GNPDA2: variants seen among roughly 807,000 people sequenced by gnomAD.
The protein encoded by GNPDA2 is glcN6P deaminase 2.
Under a neutral mutation model 27.0 loss-of-function variants are expected in GNPDA2, and 24 were observed. The observed-to-expected ratio is 0.89, with a 90% CI of 0.64 to 1.25. GNPDA2 has a LOEUF of 1.25. Ranked by LOEUF, GNPDA2 falls within the 50% of genes most tolerant of loss-of-function variation. The probability of loss-of-function intolerance (pLI) is 0.00; values close to 1 mark genes in which losing one functional copy is unlikely to be tolerated. For synonymous variants in GNPDA2, 94 were observed against 108.4 expected (o/e 0.87, Z 0.83); for missense variants, 286 against 335.1 (o/e 0.85, Z 1.14).
Position 44,702,993 on chromosome 4 carries a change from G to T in GNPDA2, c.*88C>A. 6.4e-7 allele frequency: 1 copy of T among 1,569,838 alleles called. No homozygotes were observed. The highest frequency in any genetic ancestry group is 1.4e-5 in the African/African-American group (1 of 72,284). ...AATGACAATCTTCAAAATTCCCCAT[G>T]TTTTGTCATATTGCATAGCTGAAAA... On this transcript the variant is annotated 3_prime_UTR_variant, in exon 7 of 7. Transcript: ENST00000295448.
chr4:44,725,349 A>G (rs951193416), intron 1 of GNPDA2, among the ~76,000 whole-genome samples: 2 of 152,244 alleles, frequency 1.3e-5, no homozygotes, highest in Admixed American at 6.5e-5. Context: ...AAGAGACATT[A>G]GCCAAAGATG....
At chr4:44,705,423 TACAG>T (rs1436720046) in intron 6 of GNPDA2, 25 of 984,970 alleles carry the variant, frequency 2.5e-5, no homozygotes, top group Admixed American at 6.2e-5. Flanking sequence ...TCTTCAGAAA[TACAG>T]ACAGCTCCAA....
In GNPDA2 at chr4:44,707,933, A is replaced by T. The variant is rs1716713480; in HGVS notation, c.595-7T>A. 6.4e-7 allele frequency: 1 copy of T among 1,553,188 alleles called. No homozygotes were observed. The highest frequency in any genetic ancestry group is 8.7e-7 in the Non-Finnish European group (1 of 1,144,020). On this transcript the variant is annotated splice_polypyrimidine_tract_variant and splice_region_variant and intron_variant, in intron 5 of 6. Transcript: ENST00000295448. ...CTGTTATAAGGATCATTACCTGAAAAATTATGAACATCAATTGTTAAAACT... is the reference window on the plus strand; with the variant it reads ...CTGTTATAAGGATCATTACCTGAAATATTATGAACATCAATTGTTAAAACT...
Position 44,707,815 on chromosome 4 carries a change from T to C in GNPDA2, c.706A>G (p.Ile236Val). The C allele has an allele frequency of 6.2e-7, 1 of 1,613,452 alleles. No homozygotes were observed. The highest frequency in any genetic ancestry group is 8.5e-7 in the Non-Finnish European group (1 of 1,179,636). ...GTAGCATCTTCATCGCATACAAAAATAGTCCGGGGATGCTGCTGGAAAGCG... is the reference window on the plus strand; with the variant it reads ...GTAGCATCTTCATCGCATACAAAAACAGTCCGGGGATGCTGCTGGAAAGCG... ...VSAFQQHPRTIFVCDEDATLE... is the reference protein window; with the variant it reads ...VSAFQQHPRTVFVCDEDATLE... The change falls in exon 6 of 7, where the codon ATT becomes GTT. Residue 236 changes from isoleucine (I) to valine (V), a missense_variant. Transcript: ENST00000295448.
intron 1 of GNPDA2, among the ~76,000 whole-genome samples, chr4:44,724,558 A>AT (rs1239423570): frequency 3.8e-5 from 5 of 132,286 alleles, no homozygotes; most frequent in African/African-American, 1.3e-4. Context: ...TAATTCTTAG[A>AT]TTTTTAATTC....
chr4:44,708,172 G>C (rs1716734859), intron 5 of GNPDA2, among the ~76,000 whole-genome samples: 1 of 152,090 alleles, frequency 6.6e-6, no homozygotes, highest in African/African-American at 2.4e-5. Flanking sequence ...TATAATACCT[G>C]TAACTTTTAA....
chr4:44,710,126 A>G (rs1716880983), intron 5 of GNPDA2, among the ~76,000 whole-genome samples: 1 of 152,196 alleles, frequency 6.6e-6, no homozygotes, highest in African/African-American at 2.4e-5. Context: ...CTTATTGACT[A>G]TGAAGTTTCA....
intron 4 of GNPDA2, among the ~76,000 whole-genome samples, chr4:44,713,986 T>G (rs1360681982): frequency 6.6e-6 from 1 of 152,190 alleles, no homozygotes; most frequent in African/African-American, 2.4e-5. Flanking sequence ...ATTTATTCAT[T>G]TTGAGACGGA....
chr4:44,718,198 ATAT>A, intron 3 of GNPDA2, 108 bp downstream of exon 3: 1 of 465,552 alleles, frequency 2.1e-6, no homozygotes, highest in East Asian at 3.9e-5. Flanking sequence ...TCATACATTA[ATAT>A]TATATTCAAA....
At position 44,726,549 on chromosome 4, in the gene GNPDA2, T is replaced by A. The variant is rs1313084104; in HGVS notation, c.-111A>T. The A allele has an allele frequency of 6.6e-6, 1 of 152,128 alleles. No individual in the cohort carries two copies. The highest frequency in any genetic ancestry group is 1.5e-5 in the Non-Finnish European group (1 of 68,106). The allele number at this position is 152,128 out of a possible 1,614,324, so 9.4% of individuals were successfully genotyped here. On this transcript the variant is annotated 5_prime_UTR_variant, in exon 1 of 7. Coordinates refer to ENST00000295448, the MANE Select transcript of GNPDA2 (RefSeq NM_138335.3). ...CCAACCACCCGAGAGCGACCCCAGC[T>A]GACCAGTGGAGCGCGAATCCCACGG...
chr4:44,712,744 G>A (rs376685456), intron 4 of GNPDA2, among the ~76,000 whole-genome samples: 13 of 152,176 alleles, frequency 8.5e-5, no homozygotes, highest in African/African-American at 3.1e-4. Flanking sequence ...CCTTATAGAA[G>A]TGTACAGCTA....
At chr4:44,722,566 T>A (rs1045177807) in intron 1 of GNPDA2, among the ~76,000 whole-genome samples, 1 of 152,196 alleles carries the variant, frequency 6.6e-6, no homozygotes, top group African/African-American at 2.4e-5. Context: ...TGCATCTGTA[T>A]TAAACAGGTA....
intron 6 of GNPDA2, chr4:44,706,100 G>T (rs931755815): frequency 2.6e-5 from 4 of 151,802 alleles, no homozygotes; most frequent in African/African-American, 9.7e-5. Context: ...TAAAATTTGT[G>T]GATAGTGAGG....
At chr4:44,708,711 TTTGTAATATAATC>T (rs751673988) in intron 5 of GNPDA2, among the ~76,000 whole-genome samples, 52 of 152,146 alleles carry the variant, frequency 3.4e-4, no homozygotes, top group Non-Finnish European at 5.4e-4. Flanking sequence ...CACACATATT[TTTGTAATATAATC>T]TTTAAACTTT....
chr4:44,725,746 C>T (rs1342466632), intron 1 of GNPDA2, among the ~76,000 whole-genome samples: 2 of 137,720 alleles, frequency 1.5e-5, no homozygotes, highest in African/African-American at 5.2e-5. Flanking sequence ...CTATTGTCGC[C>T]TTATGCAATT....
At chr4:44,703,793 G>A (rs1716421625) in intron 6 of GNPDA2, 1 of 985,154 alleles carries the variant, frequency 1.0e-6, no homozygotes, top group Non-Finnish European at 1.2e-6. Context: ...AGCTATGGAA[G>A]CTGCTTGGGA....
chr4:44,707,462 T>C (rs1364348826), intron 6 of GNPDA2: 2 of 393,242 alleles, frequency 5.1e-6, no homozygotes, highest in Non-Finnish European at 4.5e-6. Context: ...TTTTGGGTTA[T>C]TTGGTCTTGT....
chr4:44,707,490 A>T, intron 6 of GNPDA2: 3 of 436,336 alleles, frequency 6.9e-6, no homozygotes, highest in Non-Finnish European at 4.0e-6. Flanking sequence ...ATATGAAAGT[A>T]AATTATTAAA....
chr4:44,707,796 T>G lies in GNPDA2; in HGVS notation c.725A>C (p.Asp242Ala). 1 of 1,613,408 alleles carries G rather than the reference T, an allele frequency of 6.2e-7. No homozygotes were observed. The highest frequency in any genetic ancestry group is 8.5e-7 in the Non-Finnish European group (1 of 1,179,638). ...HPRTIFVCDE[D>A]ATLELRVKTV... ...TTTAACTCTTAATTCTAAAGTAGCA[T>G]CTTCATCGCATACAAAAATAGTCCG... Residue 242 changes from aspartate to alanine, a missense_variant, in exon 6 of 7, where the codon GAT (aspartate) becomes GCT (alanine). Transcript: ENST00000295448.
Sources: gnomAD v4.1 joint callset for allele counts (sites outside exome capture counted in the v4.1 genomes callset) on GRCh38, gnomAD v4.1.1 for gene constraint, MANE v1.5 for transcripts, NCBI Gene and HGNC (gene_info 2026-07-23, HGNC 2026-07-21) for gene names.